The following AGL variants were observed in gnomAD, a reference collection of about 807,000 sequenced individuals.
AGL encodes the protein glycogen debranching enzyme.
Under a neutral mutation model 199.3 loss-of-function variants are expected in AGL, and 128 were observed. The ratio of observed to expected loss-of-function variants is 0.64; its 90% CI spans 0.56 to 0.74. AGL has a LOEUF of 0.74. Ranked by LOEUF, AGL falls within the 30% of genes least tolerant of loss-of-function variation. AGL has a pLI of 0.00. For synonymous variants in AGL, 584 were observed against 594.7 expected, an observed-to-expected ratio of 0.98 and a Z score of 0.26; for missense variants, 1,809 against 1,820.8, an observed-to-expected ratio of 0.99 and a Z score of 0.12.
chr1:99,867,523 C>T (rs1296811480), intron 5 of AGL, among the ~76,000 whole-genome samples: 2 of 151,930 alleles, frequency 1.3e-5, no homozygotes, highest in Non-Finnish European at 2.9e-5. Context: ...CCTGCCGGCC[C>T]TGTCTTGCAG....
Position 99,850,986 on chromosome 1 carries a change from T to TC in AGL, c.-56dup. 1 of 1,406,260 alleles carries TC rather than the reference T, an allele frequency of 7.1e-7. No individual in the cohort carries two copies. The highest frequency in any genetic ancestry group is 1.0e-6 in the Non-Finnish European group (1 of 991,394). The allele number at this position is 1,406,260 out of a possible 1,614,324, so 87.1% of individuals were successfully genotyped here. A position where few individuals can be genotyped will look rare whatever the true frequency, so the allele number is the denominator to read the frequency against. ...TTTTTGTTTCATAGGGGTAACTCAT[T>TC]CGACTGTGGAGTTCTTTTAATTCTT... On this transcript the variant is annotated 5_prime_UTR_variant, in exon 2 of 34. Transcript: ENST00000361915.
chr1:99,857,657 C>T (rs1263738659), intron 2 of AGL, among the ~76,000 whole-genome samples: 2 of 151,408 alleles, frequency 1.3e-5, no homozygotes, highest in African/African-American at 2.4e-5. Context: ...CAAAAAAATA[C>T]GAAAACCAGT....
chr1:99,852,605 G>A (rs1649063446), intron 2 of AGL: 1 of 725,952 alleles, frequency 1.4e-6, no homozygotes, highest in Non-Finnish European at 2.5e-6. Flanking sequence ...TGAACTCCTG[G>A]ACTCAAGCAA....
Position 99,921,908 on chromosome 1 carries a change from C to T in AGL, c.*257C>T. The T allele has an allele frequency of 3.6e-6, 1 of 275,958 alleles. No individual in the cohort carries two copies. The highest frequency in any genetic ancestry group is 6.7e-6 in the Non-Finnish European group (1 of 149,490). 17.1% of individuals were successfully genotyped at this position (275,958 alleles called of 1,614,324 possible). A position where few individuals can be genotyped will look rare whatever the true frequency, so the allele number is the denominator to read the frequency against. On this transcript the variant is annotated 3_prime_UTR_variant, in exon 34 of 34. Coordinates refer to ENST00000361915, the MANE Select transcript of AGL (RefSeq NM_000642.3). ...AAGAATTATTCAAATGCCTAGAAAT[C>T]CATAGTTTGGAAAAGAAAAATCATG...
chr1:99,870,970 GTATTA>G (rs1027169930), intron 7 of AGL, 101 bp downstream of exon 7: 6 of 747,088 alleles, frequency 8.0e-6, no homozygotes, highest in Middle Eastern at 3.3e-4. Context: ...ATATGTCATT[GTATTA>G]TATTTGTGTT....
chr1:99,874,133 T>G (rs1049306145), intron 7 of AGL, among the ~76,000 whole-genome samples: 3 of 151,884 alleles, frequency 2.0e-5, no homozygotes, highest in Non-Finnish European at 4.4e-5. Flanking sequence ...TCAAAGAAAG[T>G]CAGGTTGTTA....
At position 99,904,206 on chromosome 1, in the gene AGL, G is replaced by A. The variant is rs182261395; in HGVS notation, c.3700+1412G>A. 1.5e-3 allele frequency among the ~76,000 whole-genome samples: 230 copies of A among 152,172 alleles called. 1 individual carries two copies. Among genetic ancestry groups the A allele is most frequent in the African/African-American group, 4.9e-3 (204 of 41,510 alleles). On this transcript the variant is annotated intron_variant, in intron 27 of 33. Transcript: ENST00000361915. ...CGTCATCTCATGGCACACTATCATC[G>A]CCGCCAATGCAAGGCTAATAGTAAT...
rs1336588763 is a variant in AGL at position 99,870,454 on chromosome 1, A to G, written c.719A>G (p.Asn240Ser). 9 of 1,613,942 alleles carry G rather than the reference A, an allele frequency of 5.6e-6. No homozygotes were observed. The highest frequency in any genetic ancestry group is 6.8e-6 in the Non-Finnish European group (8 of 1,179,976). ...EHPECAYNLV[N>S]SPHLKPAWVL... ...CCAGAATGTGCCTATAATCTTGTGA[A>G]TTCTCCACACTTAAAACCTGCCTGG... Residue 240 changes from asparagine (N) to serine (S), a missense_variant, in exon 6 of 34, where the codon AAT (asparagine) becomes AGT (serine). Asn to Ser is a conservative substitution (Grantham distance 46, BLOSUM62 1). Transcript: ENST00000361915.
intron 15 of AGL, 49 bp from the exon 16 acceptor site, chr1:99,881,243 A>T (rs781167792): frequency 1.9e-6 from 3 of 1,613,762 alleles, no homozygotes; most frequent in Middle Eastern, 3.3e-4. Flanking sequence ...TATTAAAAAA[A>T]ATTCATTGTA....
At chr1:99,917,647 T>C (rs186008943) in intron 33 of AGL, among the ~76,000 whole-genome samples, 1 of 152,348 alleles carries the variant, frequency 6.6e-6, no homozygotes, top group East Asian at 1.9e-4. Flanking sequence ...TTCTTTTGCA[T>C]TGAATATTTA....
chr1:99,881,039 G>C, intron 14 of AGL, 37 bp from the exon 15 acceptor site: 1 of 1,547,720 alleles, frequency 6.5e-7, no homozygotes, highest in Admixed American at 1.7e-5. Context: ...GCATTTGAAA[G>C]AAAGCAAACT....
intron 20 of AGL, among the ~76,000 whole-genome samples, chr1:99,887,374 G>A (rs1179626959): frequency 6.6e-6 from 1 of 152,112 alleles, no homozygotes; most frequent in Non-Finnish European, 1.5e-5. Flanking sequence ...CTTAATCTGA[G>A]AAAAATCCTG....
intron 5 of AGL, among the ~76,000 whole-genome samples, chr1:99,869,936 G>A (rs1168553903): frequency 3.3e-5 from 5 of 152,136 alleles, no homozygotes; most frequent in African/African-American, 4.8e-5. Context: ...TTGAGCTACC[G>A]TGCCTGGCCA....
chr1:99,882,371 A>C (rs575878347), intron 17 of AGL, among the ~76,000 whole-genome samples: 1 of 152,310 alleles, frequency 6.6e-6, no homozygotes, highest in Non-Finnish European at 1.5e-5. Flanking sequence ...CTTTGTGTGT[A>C]TATATGCACA....
Position 99,864,454 on chromosome 1 carries a change from A to G in AGL, c.529A>G (p.Asn177Asp). ...GLSRSCYSLANQLELNPDFSR... is the reference protein window; with the variant it reads ...GLSRSCYSLADQLELNPDFSR... ...ATCTAGGTCATGCTACTCCCTTGCC[A>G]ATCAGTTAGAATTAAATCCTGACTT... The change falls in exon 5 of 34, where the codon AAT becomes GAT. Residue 177 changes from asparagine (N) to aspartate (D), a missense_variant. By Grantham distance (23) the Asn-to-Asp change is conservative. Transcript: ENST00000361915. 6.2e-7 allele frequency: 1 copy of G among 1,613,884 alleles called. No individual in the cohort carries two copies. Among genetic ancestry groups the G allele is most frequent in the Non-Finnish European group, 8.5e-7 (1 of 1,179,850 alleles).
At position 99,915,452 on chromosome 1, in the gene AGL, C is replaced by G. The variant is rs758570060; in HGVS notation, c.4225C>G (p.Leu1409Val). The G allele has an allele frequency of 1.2e-6, 2 of 1,613,448 alleles. No individual in the cohort carries two copies. The highest frequency in any genetic ancestry group is 1.7e-6 in the Non-Finnish European group (2 of 1,179,752). Residue 1409 changes from leucine (L) to valine (V), a missense_variant, in exon 31 of 34, where the codon CTT (leucine) becomes GTT (valine). Transcript: ENST00000361915. Reference sequence around the variant, plus strand: ...TTTGGAGATTGCAGAAAAAAAATTGCTTGGTCCCCTTGGCATGAAAACTTT... The same window carrying G: ...TTTGGAGATTGCAGAAAAAAAATTGGTTGGTCCCCTTGGCATGAAAACTTT... ...KALEIAEKKL[L>V]GPLGMKTLDP... is the part of the protein sequence containing the mutation.
intron 28 of AGL, among the ~76,000 whole-genome samples, chr1:99,911,570 G>A (rs1455841546): frequency 2.0e-5 from 3 of 152,030 alleles, no homozygotes; most frequent in East Asian, 1.9e-4. Context: ...AGCCTCCCAA[G>A]TACCTGGGGA....
At chr1:99,920,500 A>G (rs574852696) in intron 33 of AGL, among the ~76,000 whole-genome samples, 20 of 152,348 alleles carry the variant, frequency 1.3e-4, no homozygotes, top group Middle Eastern at 3.4e-3. Context: ...CACATTACAG[A>G]TGCCCAGGTA....
intron 20 of AGL, 119 bp from the exon 21 acceptor site, chr1:99,887,859 G>T: frequency 8.9e-7 from 1 of 1,127,846 alleles, no homozygotes; most frequent in Non-Finnish European, 1.3e-6. Flanking sequence ...TGAATGCTGA[G>T]TTCCTAAAAC....
Sources: allele counts gnomAD v4.1 joint callset (sites outside exome capture counted in the v4.1 genomes callset), GRCh38; gene constraint gnomAD v4.1.1; transcripts MANE v1.5; gene names NCBI Gene and HGNC (gene_info 2026-07-23, HGNC 2026-07-21).